PRELID2: variants seen among roughly 807,000 people sequenced by gnomAD.
PRELID2 encodes PRELI domain-containing protein 2.
PRELID2 carries 25 observed loss-of-function variants against 28.4 expected under a neutral mutation model. That is an observed-to-expected ratio of 0.88 (90% CI 0.64 to 1.23). The LOEUF (loss-of-function observed/expected upper bound fraction) is 1.23, where lower values mean the gene tolerates loss of function less well. Among genes scored for constraint, PRELID2 ranks in the 50% most tolerant of loss-of-function variants. The pLI, the probability that PRELID2 is intolerant of heterozygous loss-of-function variation, is 0.00. For synonymous variants in PRELID2, 76 were observed against 71.6 expected (o/e 1.06, Z -0.31); for missense variants, 201 against 214.4 (o/e 0.94, Z 0.39).
the PRELID2 span, among the ~76,000 whole-genome samples, chr5:145,393,029 A>C: frequency 7.9e-5 from 12 of 152,198 alleles, no homozygotes; most frequent in Admixed American, 7.9e-4. Context: ...CTGGCGAAGC[A>C]CCAAACCCAA....
intron 1 of PRELID2, among the ~76,000 whole-genome samples, chr5:145,521,292 T>C (rs556874814): frequency 1.1e-4 from 17 of 152,186 alleles, no homozygotes; most frequent in Non-Finnish European, 2.4e-4. Context: ...CTGTGAAAGA[T>C]TGGCACCATC....
intron 1 of PRELID2, among the ~76,000 whole-genome samples, chr5:145,665,206 A>G (rs545420530): frequency 1.3e-5 from 2 of 152,262 alleles, no homozygotes; most frequent in African/African-American, 4.8e-5. Flanking sequence ...GCAAGAGTCA[A>G]CACAAGAGAG....
the PRELID2 span, among the ~76,000 whole-genome samples, chr5:145,402,870 T>C: frequency 6.6e-6 from 1 of 152,178 alleles, no homozygotes; most frequent in Non-Finnish European, 1.5e-5. Flanking sequence ...TTCAAGGACA[T>C]ATGAATGAGC....
At chr5:145,364,211 T>A in the PRELID2 span, among the ~76,000 whole-genome samples, 2 of 151,944 alleles carry the variant, frequency 1.3e-5, no homozygotes, top group Non-Finnish European at 2.9e-5. Context: ...GAGAGAAGTA[T>A]TCTGTCGATA....
At chr5:145,268,449 T>G in the PRELID2 span, among the ~76,000 whole-genome samples, 3 of 152,142 alleles carry the variant, frequency 2.0e-5, no homozygotes, top group Non-Finnish European at 4.4e-5. Flanking sequence ...GAGTTCATCC[T>G]CCATGCCGCC....
the PRELID2 span, among the ~76,000 whole-genome samples, chr5:145,356,002 T>C: frequency 1.2e-4 from 19 of 152,148 alleles, no homozygotes; most frequent in African/African-American, 4.3e-4. Flanking sequence ...GTAATTTCTA[T>C]GGAATAAGAG....
intron 1 of PRELID2, among the ~76,000 whole-genome samples, chr5:145,609,958 C>T (rs749298654): frequency 5.3e-5 from 8 of 152,194 alleles, no homozygotes; most frequent in South Asian, 2.1e-4. Flanking sequence ...CCAGGAACCA[C>T]GACTGCAGCC....
At chr5:145,521,272 G>T (rs1561498838) in intron 1 of PRELID2, among the ~76,000 whole-genome samples, 1 of 152,120 alleles carries the variant, frequency 6.6e-6, no homozygotes, top group East Asian at 1.9e-4. Context: ...TATAAGCTTT[G>T]CCAGCATTTC....
the PRELID2 span, among the ~76,000 whole-genome samples, chr5:145,291,335 C>CACAAA: frequency 1.7e-4 from 10 of 57,474 alleles, no homozygotes; most frequent in African/African-American, 9.8e-4. Flanking sequence ...GACTCTGTTT[C>CACAAA]AGAAAAAAAA....
At chr5:145,541,708 A>G (rs142703018) in intron 1 of PRELID2, among the ~76,000 whole-genome samples, 113 of 152,176 alleles carry the variant, frequency 7.4e-4, no homozygotes, top group African/African-American at 2.6e-3. Flanking sequence ...GATGGAAGGC[A>G]TTCAGTTTTT....
intron 1 of PRELID2, among the ~76,000 whole-genome samples, chr5:145,531,930 C>T (rs548690721): frequency 3.3e-5 from 5 of 152,118 alleles, no homozygotes; most frequent in Admixed American, 6.6e-5. Flanking sequence ...AAAGTTATTT[C>T]GTGTCTTTAA....
At chr5:145,531,063 T>A (rs1752651479) in intron 1 of PRELID2, among the ~76,000 whole-genome samples, 1 of 152,228 alleles carries the variant, frequency 6.6e-6, no homozygotes, top group East Asian at 1.9e-4. Flanking sequence ...TTAATTCTGC[T>A]GTTGTTTGAA....
the PRELID2 span, among the ~76,000 whole-genome samples, chr5:145,238,865 GAATCATCAATTATCTA>G: frequency 6.6e-6 from 1 of 152,032 alleles, no homozygotes; most frequent in Admixed American, 6.6e-5. Context: ...GTAATTATCT[GAATCATCAATTATCTA>G]AATCATCACT....
At chr5:145,763,409 G>A (rs1757572314) in intron 6 of PRELID2, among the ~76,000 whole-genome samples, 3 of 152,200 alleles carry the variant, frequency 2.0e-5, no homozygotes, top group Admixed American at 2.0e-4. Flanking sequence ...TATGCTAAAT[G>A]AAATTATCTT....
intron 1 of PRELID2, among the ~76,000 whole-genome samples, chr5:145,707,066 C>T (rs1253828458): frequency 2.0e-5 from 3 of 152,156 alleles, no homozygotes; most frequent in South Asian, 2.1e-4. Flanking sequence ...GAAATGAGGA[C>T]GTGAAAAAAT....
At chr5:145,655,610 T>C (rs1337077107) in intron 1 of PRELID2, among the ~76,000 whole-genome samples, 2 of 152,124 alleles carry the variant, frequency 1.3e-5, no homozygotes, top group Non-Finnish European at 2.9e-5. Context: ...TCTACAACCA[T>C]CTGATCTTTG....
At chr5:145,430,338 T>G in the PRELID2 span, among the ~76,000 whole-genome samples, 1 of 152,236 alleles carries the variant, frequency 6.6e-6, no homozygotes, top group African/African-American at 2.4e-5. Flanking sequence ...TCTTTGGCTT[T>G]GTATAAAAAA....
chr5:145,598,171 T>C (rs1479234732), intron 1 of PRELID2, among the ~76,000 whole-genome samples: 2 of 152,124 alleles, frequency 1.3e-5, no homozygotes, highest in African/African-American at 4.8e-5. Flanking sequence ...GTTCATGATA[T>C]GTGTGAATGA....
chr5:145,496,628 C>G (rs1752312177), intron 1 of PRELID2, among the ~76,000 whole-genome samples: 1 of 152,134 alleles, frequency 6.6e-6, no homozygotes, highest in Non-Finnish European at 1.5e-5. Context: ...AATCATCCTG[C>G]CTGAATAGCC....
Sources: gnomAD v4.1 joint callset for allele counts (sites outside exome capture counted in the v4.1 genomes callset) on GRCh38, gnomAD v4.1.1 for gene constraint, MANE v1.5 for transcripts, NCBI Gene and HGNC (gene_info 2026-07-23, HGNC 2026-07-21) for gene names.